The following RBFOX1 variants were observed in gnomAD, a reference collection of about 807,000 sequenced individuals.
RBFOX1 encodes RNA binding fox-1 homolog 1.
Under a neutral mutation model 57.7 loss-of-function variants are expected in RBFOX1, and 8 were observed. The ratio of observed to expected loss-of-function variants is 0.14; its 90% CI spans 0.08 to 0.25. The LOEUF (loss-of-function observed/expected upper bound fraction) is 0.25. Among genes scored for constraint, RBFOX1 ranks in the 10% least tolerant of loss-of-function variants. The pLI, the probability that RBFOX1 is intolerant of heterozygous loss-of-function variation, is 1.00. For synonymous variants in RBFOX1, 326 were observed against 222.4 expected (o/e 1.47, Z -4.15); for missense variants, 611 against 548.5 (o/e 1.11, Z -1.14).
intron 4 of RBFOX1, among the ~76,000 whole-genome samples, chr16:7,366,371 G>T (rs1307159464): frequency 6.6e-6 from 1 of 152,212 alleles, no homozygotes; most frequent in African/African-American, 2.4e-5. Context: ...AACGAAGGCT[G>T]TGCATGTTTC....
At chr16:7,597,953 A>G (rs79082959) in intron 9 of RBFOX1, among the ~76,000 whole-genome samples, 10,129 of 152,220 alleles carry the variant, frequency 0.067, 409 homozygotes, top group South Asian at 0.16. Flanking sequence ...TGGGCTGCTC[A>G]GTGTTATTTT....
chr16:7,358,988 T>C, intron 4 of RBFOX1, among the ~76,000 whole-genome samples: 1 of 152,212 alleles, frequency 6.6e-6, no homozygotes, highest in East Asian at 1.9e-4. Flanking sequence ...ATGATGTTTT[T>C]GGAATGAAAA....
intron 3 of RBFOX1, among the ~76,000 whole-genome samples, chr16:5,662,754 C>G (rs917414155): frequency 6.6e-6 from 1 of 152,192 alleles, no homozygotes; most frequent in South Asian, 2.1e-4. Flanking sequence ...AGTTCCAGTG[C>G]TAGTTGAAAC....
At chr16:6,881,730 C>T (rs1175014073) in intron 3 of RBFOX1, among the ~76,000 whole-genome samples, 1 of 152,108 alleles carries the variant, frequency 6.6e-6, no homozygotes, top group African/African-American at 2.4e-5. Flanking sequence ...TTTAACACAT[C>T]ACACTGGGTG....
chr16:6,665,922 C>G (rs895072059), intron 3 of RBFOX1, among the ~76,000 whole-genome samples: 3 of 152,106 alleles, frequency 2.0e-5, no homozygotes, highest in African/African-American at 7.2e-5. Context: ...TTGGAGCTCC[C>G]ATAATTCCCA....
intron 4 of RBFOX1, among the ~76,000 whole-genome samples, chr16:7,446,547 C>G (rs144542252): frequency 6.6e-6 from 1 of 152,252 alleles, no homozygotes; most frequent in Non-Finnish European, 1.5e-5. Flanking sequence ...AATTGCATTT[C>G]TACCATACAC....
intron 3 of RBFOX1, among the ~76,000 whole-genome samples, chr16:6,998,079 T>C (rs1026587289): frequency 6.6e-6 from 1 of 152,086 alleles, no homozygotes; most frequent in East Asian, 1.9e-4. Flanking sequence ...AATATAGATA[T>C]AAATATATGT....
intron 3 of RBFOX1, among the ~76,000 whole-genome samples, chr16:6,833,827 G>A (rs777080066): frequency 2.0e-5 from 3 of 152,166 alleles, no homozygotes; most frequent in African/African-American, 4.8e-5. Flanking sequence ...AATTAGATAG[G>A]AAGAGAGATG....
chr16:6,353,664 A>G (rs2086788339), intron 2 of RBFOX1, among the ~76,000 whole-genome samples: 1 of 152,108 alleles, frequency 6.6e-6, no homozygotes, highest in South Asian at 2.1e-4. Context: ...AGGACCCTCG[A>G]TGTCCCTAGC....
intron 3 of RBFOX1, among the ~76,000 whole-genome samples, chr16:6,996,404 T>G (rs576250316): frequency 6.6e-6 from 1 of 152,210 alleles, no homozygotes; most frequent in Admixed American, 6.5e-5. Flanking sequence ...TGTGTGCATG[T>G]ATAGGTATCT....
intron 11 of RBFOX1, among the ~76,000 whole-genome samples, chr16:7,643,916 G>C (rs1438502212): frequency 6.6e-6 from 1 of 152,166 alleles, no homozygotes; most frequent in Non-Finnish European, 1.5e-5. Context: ...AGCATATTGA[G>C]ATCTCTGGGA....
At chr16:5,345,327 T>G (rs2151303306) in intron 1 of RBFOX1, among the ~76,000 whole-genome samples, 2 of 152,264 alleles carry the variant, frequency 1.3e-5, no homozygotes, top group Middle Eastern at 3.4e-3. Flanking sequence ...CCTTACCCTT[T>G]TCCCCTTTTC....
At chr16:6,342,393 C>G (rs1440732204) in intron 2 of RBFOX1, among the ~76,000 whole-genome samples, 3 of 152,092 alleles carry the variant, frequency 2.0e-5, no homozygotes, top group Non-Finnish European at 2.9e-5. Flanking sequence ...CCATGTTTTG[C>G]CATGGCAATC....
At chr16:6,851,451 T>C (rs1288927642) in intron 3 of RBFOX1, among the ~76,000 whole-genome samples, 3 of 152,186 alleles carry the variant, frequency 2.0e-5, no homozygotes, top group South Asian at 4.1e-4. Flanking sequence ...GAATCTACAG[T>C]TATCTCAAAA....
At chr16:6,156,777 C>A (rs2096841403) in intron 1 of RBFOX1, among the ~76,000 whole-genome samples, 1 of 152,152 alleles carries the variant, frequency 6.6e-6, no homozygotes, top group Middle Eastern at 3.2e-3. Flanking sequence ...TCTTGTGTTA[C>A]TCGTAACTGG....
intron 2 of RBFOX1, among the ~76,000 whole-genome samples, chr16:5,481,223 G>A (rs1335629589): frequency 6.6e-6 from 1 of 152,172 alleles, no homozygotes; most frequent in Non-Finnish European, 1.5e-5. Flanking sequence ...CATTAGACTG[G>A]TGTAATCCAA....
rs8045568 is a variant in RBFOX1 at position 6,477,593 on chromosome 16, G to C, written c.-64+160536G>C. Among the ~76,000 whole-genome samples the C allele has an allele frequency of 9.7e-4, 148 of 152,306 alleles. 1 individual carries two copies. The highest frequency in any genetic ancestry group is 3.3e-3 in the African/African-American group (136 of 41,564). On this transcript the variant is annotated intron_variant, in intron 2 of 15. Transcript: ENST00000550418. ...AGAGCATAGGCAGAGTAGATTTAGAGTTATTCTTAAGGGCCCTAGGAGATT... is the reference window on the plus strand; with the variant it reads ...AGAGCATAGGCAGAGTAGATTTAGACTTATTCTTAAGGGCCCTAGGAGATT...
At chr16:6,372,528 T>C (rs901994725) in intron 2 of RBFOX1, among the ~76,000 whole-genome samples, 103 of 149,856 alleles carry the variant, frequency 6.9e-4, no homozygotes, top group African/African-American at 2.5e-3. Flanking sequence ...GATAGCTGGT[T>C]AGGATCTTTG....
At chr16:7,392,882 T>C (rs2098062833) in intron 4 of RBFOX1, among the ~76,000 whole-genome samples, 2 of 152,008 alleles carry the variant, frequency 1.3e-5, no homozygotes, top group East Asian at 1.9e-4. Context: ...TTTGTTTGTT[T>C]GTTTGTTTTG....
Sources: gnomAD v4.1 joint callset for allele counts (sites outside exome capture counted in the v4.1 genomes callset) on GRCh38, gnomAD v4.1.1 for gene constraint, MANE v1.5 for transcripts, NCBI Gene and HGNC (gene_info 2026-07-23, HGNC 2026-07-21) for gene names.